The following DNAH8 variants were observed in gnomAD, a reference collection of about 807,000 sequenced individuals.
DNAH8 encodes dynein axonemal heavy chain 8.
Under a neutral mutation model 562.1 loss-of-function variants are expected in DNAH8, and 382 were observed. That is an observed-to-expected ratio of 0.68 (90% CI 0.63 to 0.74). The LOEUF (loss-of-function observed/expected upper bound fraction) is 0.74. Ranked by LOEUF, DNAH8 falls within the 30% of genes least tolerant of loss-of-function variation. The pLI is 0.00. For missense variants in DNAH8, 5,203 were observed against 5,620.4 expected (o/e 0.93, Z 2.37); for synonymous variants, 1,881 against 1,919.4 (o/e 0.98, Z 0.52).
At chr6:38,780,831 T>C (rs1488668937) in intron 15 of DNAH8, among the ~76,000 whole-genome samples, 1 of 152,094 alleles carries the variant, frequency 6.6e-6, no homozygotes, top group Non-Finnish European at 1.5e-5. Flanking sequence ...CATGTAACCC[T>C]GAACTTAAAA....
At chr6:38,971,703 G>T (rs1297172640) in intron 83 of DNAH8, 38 bp downstream of exon 83, 2 of 1,466,234 alleles carry the variant, frequency 1.4e-6, no homozygotes, top group African/African-American at 1.4e-5. Context: ...CAACATTATT[G>T]CTAGAAACCC....
chr6:38,909,937 A>G (rs1258110079), intron 65 of DNAH8, among the ~76,000 whole-genome samples, 193 bp downstream of exon 65: 1 of 152,248 alleles, frequency 6.6e-6, no homozygotes, highest in Non-Finnish European at 1.5e-5. Context: ...AAAACGAACT[A>G]GTGTCCACAC....
At chr6:38,833,095 T>G (rs886348731) in intron 31 of DNAH8, among the ~76,000 whole-genome samples, 1 of 152,178 alleles carries the variant, frequency 6.6e-6, no homozygotes, top group Non-Finnish European at 1.5e-5. Flanking sequence ...TCCCGTATGC[T>G]ACTCAAACTG....
chr6:38,876,067 A>AAAT (rs1463354626), intron 53 of DNAH8, among the ~76,000 whole-genome samples: 1 of 152,214 alleles, frequency 6.6e-6, no homozygotes, highest in African/African-American at 2.4e-5. Flanking sequence ...AATCTGGCAT[A>AAAT]AATAAGTTAG....
intron 26 of DNAH8, among the ~76,000 whole-genome samples, chr6:38,815,884 C>T (rs1325927927): frequency 6.6e-6 from 1 of 151,828 alleles, no homozygotes; most frequent in African/African-American, 2.4e-5. Context: ...TTAAAATAAA[C>T]CTTAGCACTA....
intron 92 of DNAH8, 136 bp from the exon 93 acceptor site, chr6:39,029,969 C>G: frequency 1.5e-6 from 1 of 683,016 alleles, no homozygotes; most frequent in South Asian, 1.9e-5. Flanking sequence ...TGCAATGTAC[C>G]CGGTGGTGCT....
Position 38,899,836 on chromosome 6 carries a change from G to T in DNAH8, c.9124G>T (p.Gly3042Ter). Residue 3042 changes from glycine to a stop codon, truncating the protein, a stop_gained, in exon 62 of 93, where the codon GGA becomes TGA. Transcript: ENST00000327475. LOFTEE classifies it high-confidence loss of function. Reference protein sequence around the residue: ...NALLVGVGGSGKQSLSRLASF... With the variant: ...NALLVGVGGS ...ATTGCTGGTGGGTGTTGGTGGTTCC[G>T]GAAAACAAAGTCTTTCAAGATTGGC... 1 of 1,611,126 alleles carries T rather than the reference G, an allele frequency of 6.2e-7. No homozygotes were observed. Among genetic ancestry groups the T allele is most frequent in the South Asian group, 1.1e-5 (1 of 90,512 alleles).
At chr6:38,814,013 T>C (rs1772026326) in intron 24 of DNAH8, 41 bp from the exon 25 acceptor site, 1 of 1,380,702 alleles carries the variant, frequency 7.2e-7, no homozygotes, top group Admixed American at 1.8e-5. Flanking sequence ...CAATGAAATT[T>C]TAGGGTAAGG....
rs375701588 is a variant in DNAH8 at position 38,729,777 on chromosome 6, T to C, written c.526-125T>C. The C allele has an allele frequency of 1.0e-4, 63 of 602,826 alleles. No individual in the cohort carries two copies. In the African/African-American group the frequency reaches 1.1e-3, roughly 11 times the overall value. The allele number at this position is 602,826 out of a possible 1,614,324, so 37.3% of individuals were successfully genotyped here. A position where few individuals can be genotyped will look rare whatever the true frequency, so the allele number is the denominator to read the frequency against. On this transcript the variant is annotated intron_variant, in intron 3 of 92. Coordinates refer to ENST00000327475, the MANE Select transcript of DNAH8 (RefSeq NM_001206927.2). ...CACAGTAATTTTGGAGTTAAATTAG[T>C]TTGGGTTCTAATCTTGCCTTTATGT...
At chr6:38,855,342 G>A (rs1019252070) in intron 41 of DNAH8, among the ~76,000 whole-genome samples, 8 of 151,986 alleles carry the variant, frequency 5.3e-5, no homozygotes, top group South Asian at 2.1e-4. Flanking sequence ...AAACCTGCAC[G>A]TTCTGCACGT....
At chr6:38,971,089 TCAAA>T (rs774014067) in intron 82 of DNAH8, among the ~76,000 whole-genome samples, 2 of 152,006 alleles carry the variant, frequency 1.3e-5, no homozygotes, top group Non-Finnish European at 2.9e-5. Flanking sequence ...AGAAAAATGA[TCAAA>T]CATACAAAGA....
intron 49 of DNAH8, among the ~76,000 whole-genome samples, chr6:38,872,048 G>C (rs1777509721): frequency 6.6e-6 from 1 of 152,088 alleles, no homozygotes; most frequent in Non-Finnish European, 1.5e-5. Flanking sequence ...GTTTCTCCTG[G>C]GAGCACTACC....
intron 21 of DNAH8, among the ~76,000 whole-genome samples, chr6:38,796,028 T>G (rs1770222122): frequency 6.6e-6 from 1 of 152,198 alleles, no homozygotes; most frequent in African/African-American, 2.4e-5. Flanking sequence ...GGGCTGATAG[T>G]ACTTTCCTCC....
At chr6:39,016,125 A>G (rs1185049100) in intron 91 of DNAH8, among the ~76,000 whole-genome samples, 4 of 152,254 alleles carry the variant, frequency 2.6e-5, no homozygotes, top group Admixed American at 1.3e-4. Context: ...CTCGCTGGAC[A>G]CTATTTGACA....
At chr6:38,923,816 C>G (rs1305962779) in intron 72 of DNAH8, among the ~76,000 whole-genome samples, 175 bp from the exon 73 acceptor site, 1 of 152,052 alleles carries the variant, frequency 6.6e-6, no homozygotes, top group African/African-American at 2.4e-5. Context: ...GCCACTCCTA[C>G]CCACTTTTGG....
intron 8 of DNAH8, among the ~76,000 whole-genome samples, chr6:38,748,612 A>G (rs1765154791): frequency 6.6e-6 from 1 of 151,922 alleles, no homozygotes; most frequent in Non-Finnish European, 1.5e-5. Context: ...AGTTAATAAT[A>G]AGATAACAGC....
chr6:38,888,047 A>G (rs1261810556), intron 57 of DNAH8, among the ~76,000 whole-genome samples: 3 of 151,562 alleles, frequency 2.0e-5, no homozygotes, highest in African/African-American at 7.3e-5. Flanking sequence ...CCACATTGAC[A>G]GGGTTGGTCT....
intron 76 of DNAH8, among the ~76,000 whole-genome samples, chr6:38,933,344 T>C (rs1782703640): frequency 1.3e-5 from 2 of 152,306 alleles, no homozygotes; most frequent in African/African-American, 2.4e-5. Context: ...AATGCACATT[T>C]AATATGCAGG....
At chr6:38,943,062 T>C (rs1251457586) in intron 79 of DNAH8, among the ~76,000 whole-genome samples, 1 of 152,200 alleles carries the variant, frequency 6.6e-6, no homozygotes, top group Non-Finnish European at 1.5e-5. Flanking sequence ...CAGGGAGAAC[T>C]ATACTGTATA....
Sources: gnomAD v4.1 joint callset for allele counts (sites outside exome capture counted in the v4.1 genomes callset) on GRCh38, gnomAD v4.1.1 for gene constraint, MANE v1.5 for transcripts, NCBI Gene and HGNC (gene_info 2026-07-23, HGNC 2026-07-21) for gene names.